Variants in BACH1 observed in about 807,000 individuals in gnomAD.
The protein encoded by BACH1 is BTB domain and CNC homolog 1, also known as transcription regulator protein BACH1.
In BACH1, 35 loss-of-function variants were observed where a neutral mutation model predicts 52.9. The ratio of observed to expected loss-of-function variants is 0.66; its 90% CI spans 0.51 to 0.88. BACH1 has a LOEUF of 0.88. Ranked by LOEUF, BACH1 falls within the 40% of genes least tolerant of loss-of-function variation. The probability of loss-of-function intolerance (pLI) is 0.00; values close to 1 mark genes in which losing one functional copy is unlikely to be tolerated. For synonymous variants in BACH1, 321 were observed against 319.6 expected, an observed-to-expected ratio of 1.00 and a Z score of -0.05; for missense variants, 808 against 872.6, an observed-to-expected ratio of 0.93 and a Z score of 0.93.
chr21:29,349,852 C>CATT (rs3989199), downstream of BACH1, among the ~76,000 whole-genome samples: 109,652 of 151,718 alleles, frequency 0.72, 41,043 homozygotes, highest in African/African-American at 0.91. Context: ...GTGAGTGTCT[C>CATT]ATTAATGCTG....
rs2088918457 is a variant in BACH1, at chr21:29,326,845, C to G, written c.1021C>G (p.Gln341Glu). 1.2e-6 allele frequency: 2 copies of G among 1,613,978 alleles called. No homozygotes were observed. The highest frequency in any genetic ancestry group is 1.7e-6 in the Non-Finnish European group (2 of 1,180,022). Residue 341 changes from glutamine (Q) to glutamate (E), a missense_variant, in exon 3 of 5, where the codon CAA becomes GAA. Transcript: ENST00000286800. ...QYGDLNFAGMQNTTVLTEKPL... is the reference protein window; with the variant it reads ...QYGDLNFAGMENTTVLTEKPL... The stretch of plus-strand genomic sequence containing the variant: ...TGGTGACTTGAATTTTGCTGGTATG[C>G]AAAACACAACAGTGTTAACAGAAAA...
At chr21:29,361,857 C>G (rs957598857) in intron 2 of BACH1, 1 of 152,308 alleles carries the variant, frequency 6.6e-6, no homozygotes, top group Middle Eastern at 3.4e-3. Flanking sequence ...GGACCCATGC[C>G]ATTCTGATGT....
chr21:29,319,923 A>G (rs1023320080), intron 1 of BACH1, among the ~76,000 whole-genome samples: 2 of 152,094 alleles, frequency 1.3e-5, no homozygotes, highest in African/African-American at 4.8e-5. Flanking sequence ...TCTTGTGTTG[A>G]TAACTGAAGT....
At chr21:29,301,977 C>G (rs938993210) in intron 1 of BACH1, among the ~76,000 whole-genome samples, 1 of 152,124 alleles carries the variant, frequency 6.6e-6, no homozygotes, top group African/African-American at 2.4e-5. Context: ...CACCCCTGTA[C>G]TGTGAGAGGT....
At chr21:29,347,545 T>A (rs1470425066), downstream of BACH1, among the ~76,000 whole-genome samples, 2 of 152,194 alleles carry the variant, frequency 1.3e-5, no homozygotes, top group Non-Finnish European at 2.9e-5. Flanking sequence ...CTCCCCAGTT[T>A]AAGTTCTCTT....
At chr21:29,349,288 T>C (rs143087162), downstream of BACH1, among the ~76,000 whole-genome samples, 39 of 152,150 alleles carry the variant, frequency 2.6e-4, no homozygotes, top group East Asian at 7.5e-3. Context: ...TTACAAGCAC[T>C]CTGTAGTACG....
rs376806117 is a variant in BACH1, at chr21:29,341,692, C to A, written c.1777-707C>A. ...CTTCACACTTTAGTAACTCACCCAC[C>A]GGCTGTCTCTAGGCATCTTAAATTC... On this transcript the variant is annotated intron_variant, in intron 4 of 4. Transcript: ENST00000286800. 3.0e-3 allele frequency among the ~76,000 whole-genome samples: 453 copies of A among 152,272 alleles called. 2 individuals are homozygous for A. Among genetic ancestry groups the A allele is most frequent in the Middle Eastern group, 0.017 (5 of 294 alleles).
chr21:29,337,929 TAAAACAAAAACAAAAACA>T (rs147963506), intron 4 of BACH1, among the ~76,000 whole-genome samples: 1 of 151,772 alleles, frequency 6.6e-6, no homozygotes, highest in African/African-American at 2.4e-5. Flanking sequence ...AACTCCGTCT[TAAAACAAAAACAAAAACA>T]AAAACAAAAA....
chr21:29,316,439 A>G (rs1034041014), intron 1 of BACH1, among the ~76,000 whole-genome samples: 1 of 152,254 alleles, frequency 6.6e-6, no homozygotes, highest in Non-Finnish European at 1.5e-5. Context: ...TTGAATGATA[A>G]CAATAGTATT....
intron 2 of BACH1, 29 bp from the exon 3 acceptor site, chr21:29,326,028 ATG>A (rs749634226): frequency 6.4e-7 from 1 of 1,559,282 alleles, no homozygotes; most frequent in Non-Finnish European, 8.6e-7. Flanking sequence ...CTTTCAAATG[ATG>A]TGTTTGTTTT....
intron 2 of BACH1, among the ~76,000 whole-genome samples, chr21:29,322,104 T>C (rs555003471): frequency 2.0e-5 from 3 of 152,274 alleles, no homozygotes; most frequent in South Asian, 2.1e-4. Context: ...GTGAGACTTA[T>C]TCACTATCAC....
chr21:29,347,127 TGGC>T (rs2089174087), downstream of BACH1, among the ~76,000 whole-genome samples: 1 of 152,206 alleles, frequency 6.6e-6, no homozygotes, highest in Admixed American at 6.5e-5. Flanking sequence ...ACCCTTTCCC[TGGC>T]CAGAGTTTTG....
chr21:29,301,189 A>G (rs913901283), intron 1 of BACH1, among the ~76,000 whole-genome samples: 13 of 152,200 alleles, frequency 8.5e-5, no homozygotes, highest in Non-Finnish European at 1.9e-4. Context: ...GAAATCATGA[A>G]TTTTGTAAGT....
Position 29,333,380 on chromosome 21 carries a change from A to G in BACH1, c.1776+3687A>G, listed in dbSNP as rs559579128. The stretch of plus-strand genomic sequence containing the variant: ...TGAACAGATATTTGTGTATATTTTA[A>G]TCTCATTGAGATGTTACTTTTTGAA... On this transcript the variant is annotated intron_variant, in intron 4 of 4. Transcript: ENST00000286800. Among the ~76,000 whole-genome samples, 27 of 152,312 alleles carry G rather than the reference A, an allele frequency of 1.8e-4. No homozygotes were observed. In the Middle Eastern group the frequency reaches 0.01, roughly 58 times the overall value.
chr21:29,303,768 C>T (rs1278143905), intron 1 of BACH1, among the ~76,000 whole-genome samples: 1 of 152,160 alleles, frequency 6.6e-6, no homozygotes, highest in East Asian at 1.9e-4. Context: ...GAATATCACT[C>T]CTCTAGAACA....
At chr21:29,320,443 T>C (rs1239186022) in intron 1 of BACH1, among the ~76,000 whole-genome samples, 2 of 152,162 alleles carry the variant, frequency 1.3e-5, no homozygotes, top group Non-Finnish European at 2.9e-5. Flanking sequence ...AGTGTGTATG[T>C]GATCAAAAAA....
intron 1 of BACH1, among the ~76,000 whole-genome samples, chr21:29,315,272 A>G (rs2088773076): frequency 6.6e-6 from 1 of 152,200 alleles, no homozygotes. Flanking sequence ...GTATTGTAAC[A>G]GGAACTGACT....
At chr21:29,352,772 C>G (rs1361406972) in intron 2 of BACH1, 1 of 151,386 alleles carries the variant, frequency 6.6e-6, no homozygotes, top group Non-Finnish European at 1.5e-5. Flanking sequence ...AATGCAGTGG[C>G]ATGATCTCAG....
At chr21:29,307,205 T>C (rs564223717) in intron 1 of BACH1, among the ~76,000 whole-genome samples, 1 of 152,214 alleles carries the variant, frequency 6.6e-6, no homozygotes, top group East Asian at 1.9e-4. Flanking sequence ...ATCTTCCCTT[T>C]TCTACACACT....
Sources: allele counts gnomAD v4.1 joint callset (sites outside exome capture counted in the v4.1 genomes callset), GRCh38; gene constraint gnomAD v4.1.1; transcripts MANE v1.5; gene names NCBI Gene and HGNC (gene_info 2026-07-23, HGNC 2026-07-21).